FGD6: variants seen among roughly 807,000 people sequenced by gnomAD.
FGD6 encodes the protein FYVE, RhoGEF and PH domain-containing protein 6.
In FGD6, 90 loss-of-function variants were observed where a neutral mutation model predicts 149.4. The observed-to-expected ratio is 0.60, with a 90% confidence interval of 0.51 to 0.72. The LOEUF is 0.72. FGD6 is among the 30% of genes least tolerant of loss of function. FGD6 has a pLI of 0.00. For missense variants in FGD6, 1,437 were observed against 1,684.8 expected, an observed-to-expected ratio of 0.85 and a Z score of 2.57; for synonymous variants, 527 against 584.0, an observed-to-expected ratio of 0.90 and a Z score of 1.41.
intron 13 of FGD6, among the ~76,000 whole-genome samples, chr12:95,105,635 A>C (rs1052176640): frequency 1.2e-4 from 19 of 152,230 alleles, no homozygotes; most frequent in Non-Finnish European, 2.5e-4. Flanking sequence ...TCTTCCACCA[A>C]ACCCATTACT....
Position 95,108,570 on chromosome 12 carries a change from G to C in FGD6, c.3134-9C>G. ...AACAACAGCAAGGGCATCTGAAATA[G>C]GCAGGAACAAAACGTGCATTTAGTA... On this transcript the variant is annotated splice_polypyrimidine_tract_variant and intron_variant, in intron 9 of 20. Transcript: ENST00000343958. 6.2e-7 allele frequency: 1 copy of C among 1,613,900 alleles called. No individual in the cohort carries two copies. Among genetic ancestry groups the C allele is most frequent in the East Asian group, 2.2e-5 (1 of 44,880 alleles).
chr12:95,088,386 T>TA (rs1277731208), intron 18 of FGD6, among the ~76,000 whole-genome samples: 1 of 151,116 alleles, frequency 6.6e-6, no homozygotes, highest in South Asian at 2.1e-4. Context: ...CAATGAAAAT[T>TA]AAAAAAAAAT....
chr12:95,106,798 G>A (rs1592834149), intron 13 of FGD6, among the ~76,000 whole-genome samples, 156 bp downstream of exon 13: 2 of 152,118 alleles, frequency 1.3e-5, no homozygotes. Flanking sequence ...GGAGGCTGAG[G>A]CAGAAGAATC....
chr12:95,167,577 G>GT (rs57751064), intron 3 of FGD6, among the ~76,000 whole-genome samples: 107,810 of 138,294 alleles, frequency 0.78, 42,504 homozygotes, highest in African/African-American at 0.88. Context: ...ACTGTTTGAG[G>GT]TTTTTTTTTT....
chr12:95,207,666 C>T (rs1172622184), intron 2 of FGD6, among the ~76,000 whole-genome samples: 1 of 152,200 alleles, frequency 6.6e-6, no homozygotes, highest in Non-Finnish European at 1.5e-5. Context: ...TTCTACTAGG[C>T]CTCTTGCTTG....
At chr12:95,212,436 T>C (rs942048054) in intron 1 of FGD6, among the ~76,000 whole-genome samples, 6 of 152,324 alleles carry the variant, frequency 3.9e-5, no homozygotes, top group Admixed American at 3.3e-4. Flanking sequence ...TCCTATACTA[T>C]AGGAACCTAA....
chr12:95,153,912 C>CGTGTGT (rs754945627), intron 3 of FGD6, among the ~76,000 whole-genome samples: 9,184 of 141,158 alleles, frequency 0.065, 396 homozygotes, highest in African/African-American at 0.11. Context: ...AAATGAAATT[C>CGTGTGT]GTGTGTGTGT....
intron 6 of FGD6, among the ~76,000 whole-genome samples, chr12:95,139,672 T>G (rs1879786024): frequency 8.1e-6 from 1 of 123,354 alleles, no homozygotes; most frequent in South Asian, 3.0e-4. Context: ...TTTTTTTTTT[T>G]TTTAAAGGAG....
Position 95,210,533 on chromosome 12 carries a change from C to A in FGD6, c.751G>T (p.Glu251Ter). ...CHLQLPSDECEHFETCQDDSE... is the reference protein window; with the variant it reads ...CHLQLPSDEC ...TCATCCTGGCAAGTTTCAAAATGTT[C>A]ACATTCATCACTAGGAAGCTGTAAG... The change falls in exon 2 of 21, where the codon GAA becomes TAA. Residue 251 changes from glutamate to a stop codon, truncating the protein, a stop_gained. Transcript: ENST00000343958. LOFTEE classifies it high-confidence loss of function. The A allele has an allele frequency of 6.2e-7, 1 of 1,613,996 alleles. No individual in the cohort carries two copies. The highest frequency in any genetic ancestry group is 8.5e-7 in the Non-Finnish European group (1 of 1,180,002).
intron 6 of FGD6, 43 bp from the exon 7 acceptor site, chr12:95,137,721 T>G (rs367741732): frequency 4.2e-6 from 6 of 1,415,538 alleles, no homozygotes; most frequent in Non-Finnish European, 5.7e-6. Context: ...TAAAGAGAGA[T>G]TGATGAACAT....
intron 2 of FGD6, among the ~76,000 whole-genome samples, chr12:95,197,118 A>G (rs1178149094): frequency 6.6e-6 from 1 of 152,034 alleles, no homozygotes; most frequent in Non-Finnish European, 1.5e-5. Flanking sequence ...TCCCTCATCC[A>G]GTATCCAGGT....
intron 3 of FGD6, among the ~76,000 whole-genome samples, chr12:95,160,795 C>T (rs1407437492): frequency 2.0e-5 from 3 of 151,926 alleles, no homozygotes; most frequent in African/African-American, 7.3e-5. Flanking sequence ...ACCCAGGAGG[C>T]AGAGGTTGCT....
intron 18 of FGD6, among the ~76,000 whole-genome samples, chr12:95,088,150 A>G (rs1877938503): frequency 6.6e-6 from 1 of 152,238 alleles, no homozygotes. Context: ...CTATATTTTC[A>G]AAGATAAAAC....
rs911086606 is a variant in FGD6 at position 95,079,897 on chromosome 12, A to C, written c.*1623T>G. 3 of 152,118 alleles carry C rather than the reference A, an allele frequency of 2.0e-5. No homozygotes were observed. Among genetic ancestry groups the C allele is most frequent in the African/African-American group, 7.2e-5 (3 of 41,422 alleles). 9.4% of individuals were successfully genotyped at this position (152,118 alleles called of 1,614,324 possible). A position where few individuals can be genotyped will look rare whatever the true frequency, so the allele number is the denominator to read the frequency against. On this transcript the variant is annotated 3_prime_UTR_variant, in exon 21 of 21. Transcript: ENST00000343958. ...TCCTTTATTTAGAGGCAGAAAGGAA[A>C]ATTCTTGTACCCTTTAAAGAAATAT... is the stretch of plus-strand genomic sequence containing the variant.
intron 8 of FGD6, among the ~76,000 whole-genome samples, chr12:95,124,264 G>C (rs1879273016): frequency 6.6e-6 from 1 of 152,116 alleles, no homozygotes; most frequent in African/African-American, 2.4e-5. Flanking sequence ...AGTTTATTAA[G>C]CAGGAATCTT....
chr12:95,105,355 AC>A (rs1326832609), intron 13 of FGD6, among the ~76,000 whole-genome samples: 1 of 152,030 alleles, frequency 6.6e-6, no homozygotes, highest in Non-Finnish European at 1.5e-5. Context: ...GCCAAATGTG[AC>A]CTATACTTTA....
chr12:95,178,054 C>T (rs1012713992), intron 2 of FGD6, among the ~76,000 whole-genome samples: 4 of 151,868 alleles, frequency 2.6e-5, no homozygotes, highest in Non-Finnish European at 4.4e-5. Context: ...CATGAGCCAC[C>T]GTGCCTAAAA....
intron 5 of FGD6, among the ~76,000 whole-genome samples, chr12:95,150,737 T>C (rs1880286537): frequency 6.6e-6 from 1 of 151,900 alleles, no homozygotes; most frequent in African/African-American, 2.4e-5. Flanking sequence ...GCCTCCTGAA[T>C]AGGTGGGATT....
In FGD6 at chr12:95,173,006, T is replaced by C. The variant is rs867980546; in HGVS notation, c.2442-262A>G. On this transcript the variant is annotated intron_variant, in intron 2 of 20. Transcript: ENST00000343958. ...CCCAGCTGCTCCCATCCTATGCTTC[T>C]ATATATCCCTCCCAAAGAAGATCAG... Among the ~76,000 whole-genome samples, 16 of 152,334 alleles carry C rather than the reference T, an allele frequency of 1.1e-4. No homozygotes were observed. The South Asian group carries it at 2.9e-3, about 28-fold the overall frequency.
Sources: gnomAD v4.1 joint callset for allele counts (sites outside exome capture counted in the v4.1 genomes callset) on GRCh38, gnomAD v4.1.1 for gene constraint, MANE v1.5 for transcripts, NCBI Gene and HGNC (gene_info 2026-07-23, HGNC 2026-07-21) for gene names.